ZEB2: variants seen among roughly 807,000 people sequenced by gnomAD.
ZEB2 encodes zinc finger E-box-binding homeobox 2.
In ZEB2, 6 loss-of-function variants were observed where a neutral mutation model predicts 99.9. The observed-to-expected ratio is 0.06, with a 90% CI of 0.03 to 0.12. The LOEUF is 0.12. ZEB2 is among the 10% of genes least tolerant of loss of function. The probability of loss-of-function intolerance (pLI) is 1.00; values close to 1 mark genes in which losing one functional copy is unlikely to be tolerated. For missense variants in ZEB2, 969 were observed against 1,502.8 expected (o/e 0.64, Z 5.87); for synonymous variants, 517 against 542.5 (o/e 0.95, Z 0.65).
chr2:144,496,186 TA>T (rs1704755564), intron 2 of ZEB2: 1 of 152,232 alleles, frequency 6.6e-6, no homozygotes, highest in Non-Finnish European at 1.5e-5. Flanking sequence ...ATGGAAGAGT[TA>T]AATCAGAAAA....
At chr2:144,427,290 A>T (rs1703702924) in intron 3 of ZEB2, 1 of 152,224 alleles carries the variant, frequency 6.6e-6, no homozygotes, top group South Asian at 2.1e-4. Flanking sequence ...AATGTCAAGG[A>T]CAATTCCAAA....
At chr2:144,469,354 A>G (rs1043305560) in intron 2 of ZEB2, among the ~76,000 whole-genome samples, 6 of 152,070 alleles carry the variant, frequency 3.9e-5, no homozygotes, top group African/African-American at 1.2e-4. Flanking sequence ...CAACTAACAC[A>G]CTGCCTTCGT....
At position 144,401,031 on chromosome 2, in the gene ZEB2, T is replaced by C. The variant is rs544920411; in HGVS notation, c.916+168A>G. Among the ~76,000 whole-genome samples, 11 of 152,366 alleles carry C rather than the reference T, an allele frequency of 7.2e-5. No homozygotes were observed. In the South Asian group the frequency reaches 2.3e-3, roughly 32 times the overall value. Reference sequence around the variant, plus strand: ...GCTTCTTTTTATAAGACAGTGCTACTGGTTGTACCATAAGTCTCATGAACA... The same window carrying C: ...GCTTCTTTTTATAAGACAGTGCTACCGGTTGTACCATAAGTCTCATGAACA... On this transcript the variant is annotated intron_variant, in intron 7 of 9. Coordinates refer to ENST00000627532, the MANE Select transcript of ZEB2 (RefSeq NM_014795.4).
chr2:144,436,068 TCAAA>T (rs929517768), intron 2 of ZEB2, among the ~76,000 whole-genome samples: 4 of 152,020 alleles, frequency 2.6e-5, no homozygotes, highest in Admixed American at 6.6e-5. Flanking sequence ...AAAGACAAAC[TCAAA>T]CAGAGATTTT....
At chr2:144,466,925 T>C (rs1490170554) in intron 2 of ZEB2, among the ~76,000 whole-genome samples, 1 of 152,182 alleles carries the variant, frequency 6.6e-6, no homozygotes, top group Non-Finnish European at 1.5e-5. Context: ...TGCTGTAGGA[T>C]GTGCTGCAGG....
At chr2:144,477,115 T>A (rs1000929790) in intron 2 of ZEB2, among the ~76,000 whole-genome samples, 2 of 152,222 alleles carry the variant, frequency 1.3e-5, no homozygotes, top group African/African-American at 4.8e-5. Context: ...CTATTTTAAA[T>A]TTAACTCTAT....
At chr2:144,482,762 C>T (rs939595843) in intron 2 of ZEB2, among the ~76,000 whole-genome samples, 6 of 121,280 alleles carry the variant, frequency 4.9e-5, no homozygotes, top group Non-Finnish European at 1.1e-4. Context: ...TTTTTTTTTT[C>T]AACGGTTCTA....
At chr2:144,471,120 G>T (rs1424501044) in intron 2 of ZEB2, among the ~76,000 whole-genome samples, 1 of 152,072 alleles carries the variant, frequency 6.6e-6, no homozygotes, top group East Asian at 1.9e-4. Context: ...GCATAACAGC[G>T]GTAGTTACCT....
chr2:144,414,426 G>A (rs1490595742), intron 4 of ZEB2, among the ~76,000 whole-genome samples: 1 of 152,162 alleles, frequency 6.6e-6, no homozygotes, highest in Non-Finnish European at 1.5e-5. Flanking sequence ...CTGTGCGACT[G>A]TGCAGGTCCC....
chr2:144,403,814 C>A, intron 6 of ZEB2, 102 bp downstream of exon 6: 1 of 1,482,130 alleles, frequency 6.7e-7, no homozygotes, highest in South Asian at 1.2e-5. Flanking sequence ...AGATCTGCAT[C>A]TTCAAAATGC....
chr2:144,459,895 G>T (rs1704168836), intron 2 of ZEB2, among the ~76,000 whole-genome samples: 1 of 152,108 alleles, frequency 6.6e-6, no homozygotes, highest in Non-Finnish European at 1.5e-5. Flanking sequence ...AGGAAAACAG[G>T]CTCGTAGATT....
intron 2 of ZEB2, among the ~76,000 whole-genome samples, chr2:144,479,290 T>C (rs2149913097): frequency 6.6e-6 from 1 of 152,318 alleles, no homozygotes; most frequent in South Asian, 2.1e-4. Context: ...CCCCGGATTC[T>C]TTTGCCATGT....
chr2:144,483,150 A>ACACACACACACAAGCG, intron 2 of ZEB2, among the ~76,000 whole-genome samples: 2 of 149,652 alleles, frequency 1.3e-5, no homozygotes, highest in East Asian at 4.0e-4. Context: ...ACACACACAC[A>ACACACACACACAAGCG]CACACACACA....
At position 144,421,643 on chromosome 2, in the gene ZEB2, CTT is replaced by C. The variant is rs574764438; in HGVS notation, c.403+3151_403+3152del. ...GCTTCTGAATGTTTAATTTTTTTCT[CTT>C]GTGTCATAATCTTTTTTTTTTTTTT... On this transcript the variant is annotated intron_variant, in intron 4 of 9. Transcript: ENST00000627532. Among the ~76,000 whole-genome samples the C allele has an allele frequency of 1.4e-4, 20 of 147,192 alleles. No individual in the cohort carries two copies. In the South Asian group the frequency reaches 3.5e-3, roughly 26 times the overall value.
At chr2:144,516,796 G>T (rs1705154267) in intron 2 of ZEB2, 1 of 151,436 alleles carries the variant, frequency 6.6e-6, no homozygotes. Flanking sequence ...TTTAAGCCTC[G>T]CTGAGGCGCA....
Position 144,429,751 on chromosome 2 carries a change from G to C in ZEB2, c.331+18C>G, listed in dbSNP as rs755429077. 6.2e-7 allele frequency: 1 copy of C among 1,613,768 alleles called. No homozygotes were observed. ...TGAAGATGGTACAGGAAGAGGCCAA[G>C]TGATTTTAGACACTTACCTGGACCA... On this transcript the variant is annotated intron_variant, in intron 3 of 9. Transcript: ENST00000627532.
At position 144,464,875 on chromosome 2, in the gene ZEB2, A is replaced by G. The variant is rs943459412; in HGVS notation, c.74-34849T>C. ...CCTCAAACATGACATCGAAGTGGCC[A>G]TAAAACAAGCCTTAATGAGGCGATA... On this transcript the variant is annotated intron_variant, in intron 2 of 9. Transcript: ENST00000627532. 4.6e-5 allele frequency among the ~76,000 whole-genome samples: 7 copies of G among 152,234 alleles called. No individual in the cohort carries two copies. The South Asian group carries it at 1.4e-3, about 31-fold the overall frequency.
At chr2:144,405,377 T>C (rs1703372712) in intron 4 of ZEB2, 1 of 271,932 alleles carries the variant, frequency 3.7e-6, no homozygotes, top group South Asian at 3.9e-5. Flanking sequence ...AAAGATAATA[T>C]AAGATTAAGC....
intron 2 of ZEB2, among the ~76,000 whole-genome samples, chr2:144,483,150 A>ACACACACACGCG (rs1553968393): frequency 6.7e-4 from 100 of 149,654 alleles, no homozygotes; most frequent in Admixed American, 1.3e-3. Context: ...ACACACACAC[A>ACACACACACGCG]CACACACACA....
Sources: allele counts gnomAD v4.1 joint callset (sites outside exome capture counted in the v4.1 genomes callset), GRCh38; gene constraint gnomAD v4.1.1; transcripts MANE v1.5; gene names NCBI Gene and HGNC (gene_info 2026-07-23, HGNC 2026-07-21).